Variants in USP15 observed in about 807,000 individuals in gnomAD.
USP15 encodes ubiquitin specific peptidase 15, also known as ubiquitin carboxyl-terminal hydrolase 15.
A neutral mutation model predicts 127.1 loss-of-function variants in USP15; 18 were observed. The ratio of observed to expected loss-of-function variants is 0.14; its 90% CI spans 0.10 to 0.21. USP15 has a LOEUF of 0.21. Among genes scored for constraint, USP15 ranks in the 10% least tolerant of loss-of-function variants. The pLI, the probability that USP15 is intolerant of heterozygous loss-of-function variation, is 1.00. For synonymous variants in USP15, 364 were observed against 393.7 expected (o/e 0.92, Z 0.89); for missense variants, 805 against 1,159.9 (o/e 0.69, Z 4.44).
At chr12:62,298,602 G>T (rs930332611) in intron 2 of USP15, among the ~76,000 whole-genome samples, 2 of 151,994 alleles carry the variant, frequency 1.3e-5, no homozygotes, top group Admixed American at 1.3e-4. Context: ...GAAGGCAGCG[G>T]TTCAGCAAGC....
intron 6 of USP15, among the ~76,000 whole-genome samples, chr12:62,341,345 T>C (rs2065642285): frequency 6.6e-6 from 1 of 152,228 alleles, no homozygotes; most frequent in Admixed American, 6.5e-5. Flanking sequence ...TGCCAGTCTA[T>C]GTCTTTTAAT....
At chr12:62,382,657 C>G (rs778517163) in intron 9 of USP15, among the ~76,000 whole-genome samples, 8 of 151,814 alleles carry the variant, frequency 5.3e-5, no homozygotes, top group Non-Finnish European at 1.2e-4. Context: ...ATGATTCATA[C>G]TATTACATTT....
intron 6 of USP15, among the ~76,000 whole-genome samples, chr12:62,347,711 A>G (rs1229988589): frequency 6.6e-6 from 1 of 152,114 alleles, no homozygotes; most frequent in Non-Finnish European, 1.5e-5. Context: ...TTATGAGAAA[A>G]CTTGGTTGAT....
intron 1 of USP15, 131 bp from the exon 2 acceptor site, chr12:62,294,048 T>C (rs2064056451): frequency 1.1e-6 from 1 of 901,994 alleles, no homozygotes; most frequent in East Asian, 2.7e-5. Context: ...CTAAGGGGCA[T>C]TACAGTTTTC....
At chr12:62,331,177 G>A (rs117794688) in intron 6 of USP15, among the ~76,000 whole-genome samples, 3 of 152,126 alleles carry the variant, frequency 2.0e-5, no homozygotes. Context: ...CCATAATGTT[G>A]CATAGCACAT....
intron 1 of USP15, among the ~76,000 whole-genome samples, chr12:62,264,027 C>T (rs1014708567): frequency 3.3e-5 from 5 of 152,112 alleles, no homozygotes; most frequent in African/African-American, 9.7e-5. Flanking sequence ...CTCGCTGTGT[C>T]GCCCAGGCTA....
chr12:62,371,458 C>G (rs2066664581), intron 8 of USP15, among the ~76,000 whole-genome samples: 1 of 151,900 alleles, frequency 6.6e-6, no homozygotes, highest in South Asian at 2.1e-4. Flanking sequence ...TGTCTATGGA[C>G]AAGATAATTC....
chr12:62,337,181 A>G (rs73136830), intron 6 of USP15, among the ~76,000 whole-genome samples: 12,233 of 152,236 alleles, frequency 0.08, 599 homozygotes, highest in Middle Eastern at 0.16. Context: ...CGAAAGCCCA[A>G]ATTTTATCAT....
chr12:62,318,404 A>G (rs1179351209), intron 4 of USP15, among the ~76,000 whole-genome samples: 1 of 152,196 alleles, frequency 6.6e-6, no homozygotes, highest in Non-Finnish European at 1.5e-5. Flanking sequence ...ACCTGCCAGC[A>G]AAGTACAACA....
At position 62,281,225 on chromosome 12, in the gene USP15, C is replaced by T. The variant is rs112735949; in HGVS notation, c.90-12954C>T. ...CTTTTCATTTATTTGTCTGTGTCAT[C>T]TAATCTTACCTTTCTTAGTCTTCTT... On this transcript the variant is annotated intron_variant, in intron 1 of 21. Transcript: ENST00000280377. Among the ~76,000 whole-genome samples, 473 of 152,290 alleles carry T rather than the reference C, an allele frequency of 3.1e-3. 1 individual carries two copies. Among genetic ancestry groups the T allele is most frequent in the African/African-American group, 9.9e-3 (411 of 41,576 alleles).
intron 4 of USP15, among the ~76,000 whole-genome samples, chr12:62,315,556 T>C (rs1362136455): frequency 3.9e-5 from 6 of 152,182 alleles, no homozygotes; most frequent in African/African-American, 1.4e-4. Flanking sequence ...TTCATAAAAC[T>C]CAAGAATTTT....
In USP15 at chr12:62,409,502, T is replaced by C. The variant is rs1202882044; in HGVS notation, c.*5127T>C. ...AAATATATTTTAAATGTTTAAGTTGTATTGGTAATTTACTATGTTCTCCTG... is the reference window on the plus strand; with the variant it reads ...AAATATATTTTAAATGTTTAAGTTGCATTGGTAATTTACTATGTTCTCCTG... On this transcript the variant is annotated 3_prime_UTR_variant, in exon 22 of 22. Coordinates refer to ENST00000280377, the MANE Select transcript of USP15 (RefSeq NM_001252078.2). The C allele has an allele frequency of 3.9e-5, 6 of 152,170 alleles. No homozygotes were observed. Among genetic ancestry groups the C allele is most frequent in the Non-Finnish European group, 1.5e-5 (1 of 68,004 alleles). The allele number at this position is 152,170 out of a possible 1,614,324, so 9.4% of individuals were successfully genotyped here. A position where few individuals can be genotyped will look rare whatever the true frequency, so the allele number is the denominator to read the frequency against.
chr12:62,369,081 G>A (rs566912210), intron 8 of USP15, among the ~76,000 whole-genome samples: 3 of 152,210 alleles, frequency 2.0e-5, no homozygotes, highest in African/African-American at 7.2e-5. Context: ...TCCTCTAGAA[G>A]TTCATGTTTA....
At chr12:62,342,996 T>G (rs977388242) in intron 6 of USP15, among the ~76,000 whole-genome samples, 2 of 152,118 alleles carry the variant, frequency 1.3e-5, no homozygotes, top group African/African-American at 4.8e-5. Flanking sequence ...AAAGATTAAG[T>G]CCACTGAAGC....
chr12:62,391,023 AT>A (rs751164283), intron 15 of USP15, 44 bp downstream of exon 15: 2 of 1,569,190 alleles, frequency 1.3e-6, no homozygotes, highest in Non-Finnish European at 1.7e-6. Flanking sequence ...CACTTAGATA[AT>A]TGCCTCAGAG....
intron 20 of USP15, 116 bp from the exon 21 acceptor site, chr12:62,401,071 T>C: frequency 1.8e-6 from 1 of 545,446 alleles, no homozygotes. Context: ...TAAATAAGCC[T>C]CATAGATGAT....
At chr12:62,397,034 G>A (rs1047337824) in intron 20 of USP15, among the ~76,000 whole-genome samples, 2 of 152,054 alleles carry the variant, frequency 1.3e-5, no homozygotes, top group Non-Finnish European at 2.9e-5. Flanking sequence ...CCCCAGGATG[G>A]CTCTAACACT....
intron 7 of USP15, among the ~76,000 whole-genome samples, chr12:62,351,992 A>G (rs961816428): frequency 6.6e-6 from 1 of 151,870 alleles, no homozygotes; most frequent in Non-Finnish European, 1.5e-5. Flanking sequence ...AAGACTTCAG[A>G]TAGAAATAGC....
chr12:62,378,479 A>G (rs1481616636), intron 8 of USP15, among the ~76,000 whole-genome samples: 1 of 152,324 alleles, frequency 6.6e-6, no homozygotes, highest in South Asian at 2.1e-4. Context: ...GCTTAAATTT[A>G]AATATTGGTT....
Sources: allele counts gnomAD v4.1 joint callset (sites outside exome capture counted in the v4.1 genomes callset), GRCh38; gene constraint gnomAD v4.1.1; transcripts MANE v1.5; gene names NCBI Gene and HGNC (gene_info 2026-07-23, HGNC 2026-07-21).